Variants in RP1 observed in about 807,000 individuals in gnomAD.
RP1 encodes the protein oxygen-regulated protein 1.
Under a neutral mutation model 14.8 loss-of-function variants are expected in RP1, and 16 were observed. That is an observed-to-expected ratio of 1.08 (90% CI 0.73 to 1.65). RP1 has a LOEUF of 1.65. Ranked by LOEUF, RP1 falls within the 40% of genes most tolerant of loss-of-function variation. The probability of loss-of-function intolerance (pLI) is 0.00; values close to 1 mark genes in which losing one functional copy is unlikely to be tolerated. For synonymous variants in RP1, 876 were observed against 883.6 expected, an observed-to-expected ratio of 0.99 and a Z score of 0.15; for missense variants, 2,631 against 2,535.0, an observed-to-expected ratio of 1.04 and a Z score of -0.81.
chr8:54,697,340 A>G (rs1442020383), intron 12 of RP1, among the ~76,000 whole-genome samples: 1 of 152,116 alleles, frequency 6.6e-6, no homozygotes, highest in Non-Finnish European at 1.5e-5. Flanking sequence ...GGATCTCCTG[A>G]GGTCGGGAGT....
intron 23 of RP1, among the ~76,000 whole-genome samples, chr8:54,781,454 T>G (rs1810186230): frequency 6.6e-6 from 1 of 152,192 alleles, no homozygotes; most frequent in South Asian, 2.1e-4. Flanking sequence ...TGAAGTCATA[T>G]TCTTTTGATT....
chr8:54,769,431 G>C (rs1410825660), intron 22 of RP1, among the ~76,000 whole-genome samples: 1 of 152,072 alleles, frequency 6.6e-6, no homozygotes, highest in Non-Finnish European at 1.5e-5. Context: ...CTCTGCTGGA[G>C]CCCCAGTTGC....
intron 24 of RP1, among the ~76,000 whole-genome samples, chr8:54,789,349 T>A (rs1003988714): frequency 4.6e-5 from 7 of 152,290 alleles, no homozygotes; most frequent in Non-Finnish European, 8.8e-5. Flanking sequence ...GAGCCTAACT[T>A]ACAGCCCTGC....
At chr8:54,631,638 C>A (rs1396634552), downstream of RP1, among the ~76,000 whole-genome samples, 5 of 150,442 alleles carry the variant, frequency 3.3e-5, no homozygotes, top group African/African-American at 1.2e-4. Context: ...GAACCCAGTT[C>A]TTTGTGCTTG....
chr8:54,709,756 C>G (rs1190559654), intron 15 of RP1, among the ~76,000 whole-genome samples: 1 of 152,136 alleles, frequency 6.6e-6, no homozygotes, highest in Non-Finnish European at 1.5e-5. Flanking sequence ...TAAGGTCACT[C>G]CTCTGAGGCC....
At chr8:54,623,589 C>T (rs1161785090) in intron 3 of RP1, among the ~76,000 whole-genome samples, 8 of 151,930 alleles carry the variant, frequency 5.3e-5, no homozygotes, top group South Asian at 4.2e-4. Context: ...TGAGCCATTG[C>T]GTCCAGCCCA....
At chr8:54,778,250 C>G (rs1325998072) in intron 23 of RP1, among the ~76,000 whole-genome samples, 2 of 151,568 alleles carry the variant, frequency 1.3e-5, no homozygotes, top group Admixed American at 6.6e-5. Context: ...GTGCCAGGGT[C>G]CAGTATAGGC....
chr8:54,864,372 G>C (rs1209318814), intron 27 of RP1, among the ~76,000 whole-genome samples: 1 of 152,146 alleles, frequency 6.6e-6, no homozygotes, highest in East Asian at 1.9e-4. Flanking sequence ...TAAATTATAT[G>C]ATGAGAAAAA....
downstream of RP1, among the ~76,000 whole-genome samples, chr8:54,771,961 G>C (rs994739327): frequency 6.6e-6 from 1 of 151,944 alleles, no homozygotes; most frequent in Non-Finnish European, 1.5e-5. Flanking sequence ...GGGGAAGAAA[G>C]TAGACCAAAA....
At chr8:54,856,310 C>T (rs545576579) in intron 26 of RP1, among the ~76,000 whole-genome samples, 292 of 152,080 alleles carry the variant, frequency 1.9e-3, no homozygotes, top group African/African-American at 6.1e-3. Context: ...CTGAGAGGGG[C>T]ATGTTGGGGT....
At chr8:54,619,706 T>C (rs906074840) in intron 1 of RP1, among the ~76,000 whole-genome samples, 1 of 152,246 alleles carries the variant, frequency 6.6e-6, no homozygotes, top group Non-Finnish European at 1.5e-5. Context: ...TAGCAGCCCA[T>C]AGCAATGCTG....
intron 7 of RP1, among the ~76,000 whole-genome samples, chr8:54,668,155 T>C (rs1300890131): frequency 1.3e-5 from 2 of 152,156 alleles, no homozygotes; most frequent in Admixed American, 1.3e-4. Flanking sequence ...CAAGTGGGCT[T>C]CATTCCTGGG....
chr8:54,739,919 G>A (rs544179542), intron 19 of RP1, among the ~76,000 whole-genome samples: 12 of 151,668 alleles, frequency 7.9e-5, no homozygotes, highest in African/African-American at 2.4e-4. Context: ...ATGTATTTGT[G>A]GTGATGCAGG....
chr8:54,570,451 C>A (rs1474755869), intron 1 of RP1, among the ~76,000 whole-genome samples: 1 of 151,724 alleles, frequency 6.6e-6, no homozygotes, highest in Non-Finnish European at 1.5e-5. Flanking sequence ...GCCTCAGCCT[C>A]CTGAGTAGCT....
chr8:54,814,538 T>C (rs988779653), intron 24 of RP1, among the ~76,000 whole-genome samples: 3 of 152,338 alleles, frequency 2.0e-5, no homozygotes, highest in African/African-American at 7.2e-5. Flanking sequence ...GATTAGACTC[T>C]GTACAGAATT....
intron 16 of RP1, among the ~76,000 whole-genome samples, chr8:54,726,154 T>C (rs979890671): frequency 2.6e-5 from 4 of 152,206 alleles, no homozygotes; most frequent in African/African-American, 9.6e-5. Flanking sequence ...ATGCCACCCA[T>C]GCACAGCCTG....
At chr8:54,791,805 T>C (rs1233863460) in intron 24 of RP1, among the ~76,000 whole-genome samples, 1 of 151,142 alleles carries the variant, frequency 6.6e-6, no homozygotes, top group Non-Finnish European at 1.5e-5. Flanking sequence ...AAGAAAGGAG[T>C]AAAGGAAATA....
chr8:54,829,752 A>G (rs191199644), intron 24 of RP1, among the ~76,000 whole-genome samples: 132 of 152,306 alleles, frequency 8.7e-4, no homozygotes, highest in Non-Finnish European at 1.4e-3. Flanking sequence ...TGGATAAATA[A>G]GCAGAGAGAC....
intron 20 of RP1, among the ~76,000 whole-genome samples, chr8:54,755,384 C>A (rs556332523): frequency 6.6e-6 from 1 of 152,282 alleles, no homozygotes; most frequent in Admixed American, 6.5e-5. Flanking sequence ...TCTTTTATTT[C>A]TCTTTCTGAA....
Sources: allele counts gnomAD v4.1 joint callset (sites outside exome capture counted in the v4.1 genomes callset), GRCh38; gene constraint gnomAD v4.1.1; transcripts MANE v1.5; gene names NCBI Gene and HGNC (gene_info 2026-07-23, HGNC 2026-07-21).